BCKDHB: variants seen among roughly 807,000 people sequenced by gnomAD.
The protein encoded by BCKDHB is branched chain keto acid dehydrogenase E1 subunit beta, also known as 2-oxoisovalerate dehydrogenase subunit beta, mitochondrial.
Under a neutral mutation model 48.5 loss-of-function variants are expected in BCKDHB, and 41 were observed. The ratio of observed to expected loss-of-function variants is 0.85; its 90% CI spans 0.66 to 1.10. The LOEUF is 1.10. Among genes scored for constraint, BCKDHB ranks in the 50% least tolerant of loss-of-function variants. The probability of loss-of-function intolerance (pLI) is 0.00; values close to 1 mark genes in which losing one functional copy is unlikely to be tolerated. For synonymous variants in BCKDHB, 201 were observed against 174.8 expected (o/e 1.15, Z -1.18); for missense variants, 496 against 494.2 (o/e 1.00, Z -0.03).
chr6:80,388,543 T>G, the BCKDHB span, among the ~76,000 whole-genome samples: 1 of 152,072 alleles, frequency 6.6e-6, no homozygotes, highest in Admixed American at 6.6e-5. Context: ...AGCCATAAAG[T>G]GGGGTATGCA....
chr6:80,268,136 T>TATATTAATATATATGCAAAC (rs1247309237), intron 8 of BCKDHB, among the ~76,000 whole-genome samples: 5 of 152,088 alleles, frequency 3.3e-5, no homozygotes, highest in Non-Finnish European at 7.4e-5. Flanking sequence ...TTACTAGGCA[T>TATATTAATATATATGCAAAC]ATATTAATAT....
At chr6:80,400,009 G>A in the BCKDHB span, among the ~76,000 whole-genome samples, 1 of 151,998 alleles carries the variant, frequency 6.6e-6, no homozygotes, top group East Asian at 1.9e-4. Flanking sequence ...AAATGGTGCT[G>A]GGATAATTGG....
chr6:80,269,278 T>C (rs534328866), intron 8 of BCKDHB, among the ~76,000 whole-genome samples: 3 of 152,246 alleles, frequency 2.0e-5, no homozygotes, highest in African/African-American at 7.2e-5. Flanking sequence ...CAATGCCGTG[T>C]GTACGGAGCT....
At chr6:80,326,125 G>A (rs961165230) in intron 9 of BCKDHB, among the ~76,000 whole-genome samples, 3 of 152,084 alleles carry the variant, frequency 2.0e-5, no homozygotes, top group African/African-American at 4.8e-5. Context: ...GGTGGAAACC[G>A]GTTGTGGGAT....
the BCKDHB span, among the ~76,000 whole-genome samples, chr6:80,396,958 A>T: frequency 2.6e-5 from 4 of 152,140 alleles, no homozygotes; most frequent in Non-Finnish European, 5.9e-5. Context: ...GCCAAGTTAG[A>T]GGAAAAGGGG....
chr6:80,372,835 G>A, the BCKDHB span, among the ~76,000 whole-genome samples: 2 of 152,108 alleles, frequency 1.3e-5, no homozygotes, highest in Non-Finnish European at 2.9e-5. Context: ...TTGATTTGAT[G>A]TTGGATTCAG....
At chr6:80,176,667 G>C (rs1163793831) in intron 6 of BCKDHB, among the ~76,000 whole-genome samples, 1 of 152,124 alleles carries the variant, frequency 6.6e-6, no homozygotes, top group Admixed American at 6.5e-5. Context: ...CCTTACACAG[G>C]ATTACAATTT....
the BCKDHB span, among the ~76,000 whole-genome samples, chr6:80,391,175 A>ATGTGTG: frequency 0.07 from 9,998 of 143,264 alleles, 366 homozygotes; most frequent in South Asian, 0.14. Flanking sequence ...ATGCATATAT[A>ATGTGTG]TATGTGTGTG....
chr6:80,350,261 AAAG>A (rs1216274465), downstream of BCKDHB, among the ~76,000 whole-genome samples: 2 of 152,208 alleles, frequency 1.3e-5, no homozygotes, highest in Admixed American at 6.5e-5. Flanking sequence ...TAAATATTTT[AAAG>A]AAGAAAACCG....
intron 8 of BCKDHB, among the ~76,000 whole-genome samples, chr6:80,210,465 G>A (rs1398075697): frequency 6.6e-6 from 1 of 152,064 alleles, no homozygotes; most frequent in African/African-American, 2.4e-5. Context: ...TAAGGGCTAT[G>A]AGTTGCTGGT....
At chr6:80,154,205 G>A (rs540833818) in intron 3 of BCKDHB, among the ~76,000 whole-genome samples, 66 of 152,042 alleles carry the variant, frequency 4.3e-4, no homozygotes, top group Non-Finnish European at 6.9e-4. Flanking sequence ...TTGACTTATC[G>A]CATTGTAAGT....
chr6:80,257,508 A>T lies in BCKDHB; in HGVS notation c.952-15627A>T, dbSNP rs539393612. Among the ~76,000 whole-genome samples the T allele has an allele frequency of 2.0e-5, 3 of 151,664 alleles. No homozygotes were observed. In the South Asian group the frequency reaches 6.2e-4, roughly 32 times the overall value. ...ATAAGTATCTTGTTTGGGATAATACATATTATGTGTTAGGCTTCTTCAGAG... is the reference window on the plus strand; with the variant it reads ...ATAAGTATCTTGTTTGGGATAATACTTATTATGTGTTAGGCTTCTTCAGAG... On this transcript the variant is annotated intron_variant, in intron 8 of 9. Transcript: ENST00000320393.
At chr6:80,333,035 G>A (rs1400735471) in intron 9 of BCKDHB, among the ~76,000 whole-genome samples, 4 of 152,020 alleles carry the variant, frequency 2.6e-5, no homozygotes, top group African/African-American at 7.3e-5. Context: ...GGAATTAAAC[G>A]GCTAAGCTTT....
rs569762639 is a variant in BCKDHB at position 80,293,506 on chromosome 6, C to T, written c.1038+20285C>T. The stretch of plus-strand genomic sequence containing the variant: ...GCAGGGGCTGGCCTGGCCCAGGAAA[C>T]CATTTTTTGCTCCTAGGCCTCTAGG... On this transcript the variant is annotated intron_variant, in intron 9 of 9. Transcript: ENST00000320393. 5.3e-5 allele frequency among the ~76,000 whole-genome samples: 8 copies of T among 152,258 alleles called. No homozygotes were observed. In the South Asian group the frequency reaches 1.7e-3, roughly 32 times the overall value.
At chr6:80,119,856 T>C (rs1166346621) in intron 1 of BCKDHB, among the ~76,000 whole-genome samples, 1 of 150,570 alleles carries the variant, frequency 6.6e-6, no homozygotes, top group Non-Finnish European at 1.5e-5. Context: ...AATGTTAATC[T>C]TTTTTTTCCT....
At chr6:80,415,043 C>T in the BCKDHB span, among the ~76,000 whole-genome samples, 68 of 151,734 alleles carry the variant, frequency 4.5e-4, 1 homozygote, top group Non-Finnish European at 7.4e-4. Flanking sequence ...AATAGAATTG[C>T]ATTTCTCATT....
At chr6:80,341,454 C>G (rs192401240) in intron 9 of BCKDHB, among the ~76,000 whole-genome samples, 64 of 152,320 alleles carry the variant, frequency 4.2e-4, no homozygotes, top group African/African-American at 1.5e-3. Flanking sequence ...AGGGTAACCA[C>G]TGTTTACAGT....
chr6:80,410,967 C>T, the BCKDHB span, among the ~76,000 whole-genome samples: 1 of 152,162 alleles, frequency 6.6e-6, no homozygotes, highest in Non-Finnish European at 1.5e-5. Flanking sequence ...CAGTCATTCT[C>T]CATCCAGTTT....
At chr6:80,139,611 T>A (rs1771080317) in intron 3 of BCKDHB, among the ~76,000 whole-genome samples, 1 of 151,908 alleles carries the variant, frequency 6.6e-6, no homozygotes, top group South Asian at 2.1e-4. Flanking sequence ...ATCAGATAGT[T>A]GTAGATATGT....
Sources: allele counts gnomAD v4.1 joint callset (sites outside exome capture counted in the v4.1 genomes callset), GRCh38; gene constraint gnomAD v4.1.1; transcripts MANE v1.5; gene names NCBI Gene and HGNC (gene_info 2026-07-23, HGNC 2026-07-21).